ABCC1: variants seen among roughly 807,000 people sequenced by gnomAD.
ABCC1 encodes the protein multidrug resistance-associated protein 1.
A neutral mutation model predicts 172.9 loss-of-function variants in ABCC1; 83 were observed. That is an observed-to-expected ratio of 0.48 (90% CI 0.40 to 0.58). ABCC1 has a LOEUF of 0.58. Ranked by LOEUF, ABCC1 falls within the 20% of genes least tolerant of loss-of-function variation. The pLI is 0.00. For synonymous variants in ABCC1, 937 were observed against 825.2 expected (o/e 1.14, Z -2.32); for missense variants, 1,817 against 2,002.7 (o/e 0.91, Z 1.77).
chr16:16,091,026 G>T (rs1367279368), intron 19 of ABCC1, among the ~76,000 whole-genome samples: 1 of 152,088 alleles, frequency 6.6e-6, no homozygotes, highest in East Asian at 1.9e-4. Flanking sequence ...TGGCAGGCTC[G>T]GGTTGGTGAC....
chr16:16,066,336 C>T (rs2050113094), intron 12 of ABCC1, among the ~76,000 whole-genome samples: 1 of 151,874 alleles, frequency 6.6e-6, no homozygotes, highest in East Asian at 2.0e-4. Flanking sequence ...CATGCACCAC[C>T]ACTCCTGGCT....
At chr16:16,004,424 C>G (rs1051568629) in intron 1 of ABCC1, among the ~76,000 whole-genome samples, 1 of 152,082 alleles carries the variant, frequency 6.6e-6, no homozygotes, top group Non-Finnish European at 1.5e-5. Context: ...ATAATGACCA[C>G]CAACAGTTTA....
intron 16 of ABCC1, among the ~76,000 whole-genome samples, chr16:16,081,720 C>G (rs2050811678): frequency 6.6e-6 from 1 of 152,078 alleles, no homozygotes; most frequent in Admixed American, 6.6e-5. Flanking sequence ...CTAGAATTCC[C>G]TTATTCAAGA....
chr16:16,113,186 C>G lies in ABCC1; in HGVS notation c.3080-1580C>G, dbSNP rs59624646. On this transcript the variant is annotated intron_variant, in intron 22 of 30. Transcript: ENST00000399410. Reference sequence around the variant, plus strand: ...TGAGTCTCTCAATCCCTCCCCTCCCCTCTCCTTGCCATTAGGGGAAAGGAC... The same window carrying G: ...TGAGTCTCTCAATCCCTCCCCTCCCGTCTCCTTGCCATTAGGGGAAAGGAC... Among the ~76,000 whole-genome samples the G allele has an allele frequency of 7.7e-4, 117 of 152,254 alleles. No individual in the cohort carries two copies. In the East Asian group the frequency reaches 0.02, roughly 26 times the overall value.
At chr16:16,084,096 T>C (rs972469892) in intron 17 of ABCC1, among the ~76,000 whole-genome samples, 1 of 152,158 alleles carries the variant, frequency 6.6e-6, no homozygotes, top group African/African-American at 2.4e-5. Flanking sequence ...TTTCTTTCTT[T>C]CTTTTTATTT....
At chr16:16,106,657 C>A in intron 20 of ABCC1, 81 bp from the exon 21 acceptor site, 13 of 1,577,454 alleles carry the variant, frequency 8.2e-6, no homozygotes, top group Non-Finnish European at 1.0e-5. Flanking sequence ...TTCAGACCCA[C>A]AATAGCAGTC....
intron 6 of ABCC1, among the ~76,000 whole-genome samples, chr16:16,035,424 C>T (rs929660522): frequency 1.3e-5 from 2 of 152,000 alleles, no homozygotes; most frequent in African/African-American, 4.8e-5. Context: ...ATCTCATCAC[C>T]CAGATTTCAT....
At chr16:15,994,554 C>T (rs1245686493) in intron 1 of ABCC1, among the ~76,000 whole-genome samples, 1 of 152,092 alleles carries the variant, frequency 6.6e-6, no homozygotes, top group African/African-American at 2.4e-5. Context: ...GTTTCCAACT[C>T]AGCATTTAGA....
rs372711690 is a variant in ABCC1, at chr16:15,950,051, G to C, written c.48+252G>C. 1.9e-3 allele frequency among the ~76,000 whole-genome samples: 291 copies of C among 152,236 alleles called. 15 individuals are homozygous for C. The South Asian group carries it at 0.057, about 30-fold the overall frequency. On this transcript the variant is annotated intron_variant, in intron 1 of 30. Transcript: ENST00000399410. ...CCCAGCCCTGGGGTTTTGGAGGGTCGGGTCGGGTCAGAGCCGCCGTGAGGA... is the reference window on the plus strand; with the variant it reads ...CCCAGCCCTGGGGTTTTGGAGGGTCCGGTCGGGTCAGAGCCGCCGTGAGGA...
rs745726485 is a variant in ABCC1 at position 16,106,756 on chromosome 16, C to G, written c.2754C>G (p.Ser918=). Residue 918 remains serine, a synonymous_variant, in exon 21 of 31, where the codon TCC becomes TCG. Transcript: ENST00000399410. ...KQLQRQLSSS[S]SYSGDISRHH... is the part of the protein sequence containing the mutation. Reference sequence around the variant, plus strand: ...TCTCCAGACAGCTCAGCAGCTCCTCCTCCTATAGTGGGGACATCAGCAGGC... The same window carrying G: ...TCTCCAGACAGCTCAGCAGCTCCTCGTCCTATAGTGGGGACATCAGCAGGC... The G allele has an allele frequency of 1.9e-6, 3 of 1,613,972 alleles. No individual in the cohort carries two copies. In the African/African-American group the frequency reaches 4.0e-5, roughly 22 times the overall value.
At chr16:16,128,684 CTTG>C (rs1275794098) in intron 26 of ABCC1, among the ~76,000 whole-genome samples, 2 of 152,164 alleles carry the variant, frequency 1.3e-5, no homozygotes, top group East Asian at 3.8e-4. Context: ...TAGAGATACA[CTTG>C]TTGTTTTAAA....
chr16:16,099,865 C>T (rs548479565), intron 19 of ABCC1, among the ~76,000 whole-genome samples: 2 of 152,220 alleles, frequency 1.3e-5, no homozygotes, highest in Admixed American at 6.5e-5. Context: ...GGGTGGATCA[C>T]CTGAGGTCAG....
intron 22 of ABCC1, 40 bp downstream of exon 22, chr16:16,111,622 CT>C (rs1465031135): frequency 5.1e-6 from 8 of 1,566,856 alleles, no homozygotes; most frequent in African/African-American, 1.4e-5. Context: ...ATTTGGGCCC[CT>C]GTTGTGGCTT....
intron 5 of ABCC1, among the ~76,000 whole-genome samples, chr16:16,026,908 C>T (rs1160869069): frequency 1.3e-5 from 2 of 152,124 alleles, no homozygotes; most frequent in African/African-American, 4.8e-5. Flanking sequence ...CAGAGTGAGA[C>T]TCAGTCTCAA....
chr16:16,038,865 G>C (rs2048855265), intron 7 of ABCC1, among the ~76,000 whole-genome samples: 1 of 152,176 alleles, frequency 6.6e-6, no homozygotes, highest in Non-Finnish European at 1.5e-5. Flanking sequence ...TGTGTCCCCT[G>C]GAGCTTGTCA....
intron 20 of ABCC1, among the ~76,000 whole-genome samples, chr16:16,104,389 A>C (rs187681430): frequency 1.7e-4 from 26 of 152,226 alleles, no homozygotes; most frequent in African/African-American, 6.3e-4. Context: ...ACAACCCCTG[A>C]GCTAGATACG....
intron 7 of ABCC1, among the ~76,000 whole-genome samples, chr16:16,038,112 A>C (rs1441802571): frequency 6.6e-6 from 1 of 152,082 alleles, no homozygotes. Flanking sequence ...GGTAGATGAT[A>C]GACGGATAGT....
intron 15 of ABCC1, among the ~76,000 whole-genome samples, chr16:16,076,934 G>A (rs2088085101): frequency 1.3e-5 from 2 of 152,168 alleles, no homozygotes; most frequent in Admixed American, 6.5e-5. Context: ...CAGACACTGA[G>A]TGTGCTGATT....
intron 6 of ABCC1, among the ~76,000 whole-genome samples, chr16:16,033,668 AC>A (rs1268568944): frequency 6.6e-6 from 1 of 151,400 alleles, no homozygotes; most frequent in Non-Finnish European, 1.5e-5. Context: ...TTTTTTTGAG[AC>A]GGAGTCTTAC....
Sources: allele counts gnomAD v4.1 joint callset (sites outside exome capture counted in the v4.1 genomes callset), GRCh38; gene constraint gnomAD v4.1.1; transcripts MANE v1.5; gene names NCBI Gene and HGNC (gene_info 2026-07-23, HGNC 2026-07-21).